The following CFHR4 variants were observed in gnomAD, a reference collection of about 807,000 sequenced individuals.
The protein encoded by CFHR4 is complement factor H-related protein 4.
A neutral mutation model predicts 69.3 loss-of-function variants in CFHR4; 64 were observed. The observed-to-expected ratio is 0.92, with a 90% confidence interval of 0.76 to 1.14. CFHR4 has a LOEUF of 1.14. Among genes scored for constraint, CFHR4 ranks in the 50% most tolerant of loss-of-function variants. CFHR4 has a pLI of 0.00. For synonymous variants in CFHR4, 244 were observed against 237.0 expected, an observed-to-expected ratio of 1.03 and a Z score of -0.27; for missense variants, 636 against 684.9, an observed-to-expected ratio of 0.93 and a Z score of 0.80.
intron 2 of CFHR4, among the ~76,000 whole-genome samples, chr1:196,904,340 T>C (rs1202778168): frequency 1.3e-5 from 2 of 151,670 alleles, no homozygotes; most frequent in Admixed American, 6.6e-5. Context: ...ACATGTATCA[T>C]CTTTAACATG....
At position 196,907,469 on chromosome 1, in the gene CFHR4, G is replaced by A; in HGVS notation, c.770G>A (p.Gly257Glu). The A allele has an allele frequency of 6.2e-7, 1 of 1,611,706 alleles. No homozygotes were observed. The highest frequency in any genetic ancestry group is 8.5e-7 in the Non-Finnish European group (1 of 1,178,938). Residue 257 changes from glycine (G) to glutamate (E), a missense_variant, in exon 5 of 10, where the codon GGA becomes GAA. Transcript: ENST00000608469. ...TCTAAATATGTAACATGTAGTAATGGAGACTGGTCAGAACCACCAAGATGC... is the reference window on the plus strand; with the variant it reads ...TCTAAATATGTAACATGTAGTAATGAAGACTGGTCAGAACCACCAAGATGC... ...QGSKYVTCSN[G>E]DWSEPPRCIS...
At chr1:196,888,385 ATAATT>A (rs1452897962) in intron 1 of CFHR4, among the ~76,000 whole-genome samples, 177 bp downstream of exon 1, 1 of 151,460 alleles carries the variant, frequency 6.6e-6, no homozygotes, top group East Asian at 1.9e-4. Context: ...AAAATATCTC[ATAATT>A]TAAAGAAAAA....
intron 2 of CFHR4, among the ~76,000 whole-genome samples, chr1:196,903,032 A>G (rs893175193): frequency 2.6e-5 from 4 of 151,528 alleles, no homozygotes; most frequent in Middle Eastern, 6.8e-3. Context: ...AAATCATTTT[A>G]TGGTCCTTAG....
intron 1 of CFHR4, among the ~76,000 whole-genome samples, chr1:196,892,414 G>GTGTT (rs1336118239): frequency 1.3e-5 from 2 of 151,462 alleles, no homozygotes; most frequent in East Asian, 3.9e-4. Flanking sequence ...TGTGCCTGTT[G>GTGTT]TGTTTGTTTG....
chr1:196,893,216 C>A, intron 1 of CFHR4, among the ~76,000 whole-genome samples: 1 of 151,554 alleles, frequency 6.6e-6, no homozygotes, highest in African/African-American at 2.4e-5. Flanking sequence ...AAGAAGCATG[C>A]AAAAAGATAG....
chr1:196,906,756 T>C, intron 3 of CFHR4, 105 bp from the exon 4 acceptor site: 1 of 1,196,322 alleles, frequency 8.4e-7, no homozygotes, highest in South Asian at 1.7e-5. Flanking sequence ...CTCAATTTAT[T>C]AGCACACACT....
chr1:196,917,288 A>G (rs12133703), intron 9 of CFHR4, among the ~76,000 whole-genome samples: 8,509 of 151,918 alleles, frequency 0.056, 375 homozygotes, highest in Non-Finnish European at 0.084. Flanking sequence ...GCTATGTAAG[A>G]ACTGACATTT....
chr1:196,891,551 C>T (rs1416971874), intron 1 of CFHR4, among the ~76,000 whole-genome samples: 5 of 151,504 alleles, frequency 3.3e-5, no homozygotes, highest in African/African-American at 1.2e-4. Flanking sequence ...TTCTCATCTA[C>T]ACACTAAAGC....
intron 1 of CFHR4, among the ~76,000 whole-genome samples, chr1:196,889,503 T>A (rs904131134): frequency 3.3e-5 from 5 of 151,536 alleles, no homozygotes; most frequent in African/African-American, 1.2e-4. Flanking sequence ...AAGAAAAGAA[T>A]GCTGACAAAT....
Position 196,902,662 on chromosome 1 carries a change from G to C in CFHR4, c.256+47G>C, listed in dbSNP as rs200133951. ...AATATGTGCATAAAACTTGAAAAGA[G>C]TGAGAGAACAGCAAATAAATGATTA... On this transcript the variant is annotated intron_variant, in intron 2 of 9. Coordinates refer to ENST00000608469, the MANE Select transcript of CFHR4 (RefSeq NM_001201550.3). 1.2e-5 allele frequency: 16 copies of C among 1,336,928 alleles called. No homozygotes were observed. In the African/African-American group the frequency reaches 2.2e-4, roughly 18 times the overall value. The allele number at this position is 1,336,928 out of a possible 1,614,324, so 82.8% of individuals were successfully genotyped here.
intron 7 of CFHR4, among the ~76,000 whole-genome samples, chr1:196,914,229 A>C (rs1571450664): frequency 6.6e-6 from 1 of 151,488 alleles, no homozygotes; most frequent in African/African-American, 2.4e-5. Context: ...GAGATTTTTC[A>C]CAAATAAAAA....
chr1:196,896,053 T>C (rs1245118905), intron 1 of CFHR4, among the ~76,000 whole-genome samples: 2 of 150,844 alleles, frequency 1.3e-5, no homozygotes, highest in Non-Finnish European at 2.9e-5. Context: ...ATAGTCATTT[T>C]CTAATTTTCC....
intron 9 of CFHR4, among the ~76,000 whole-genome samples, chr1:196,915,866 T>C (rs1020974101): frequency 1.7e-4 from 25 of 151,406 alleles, no homozygotes; most frequent in African/African-American, 6.1e-4. Flanking sequence ...TTCAAACAGT[T>C]ATGAAAACAC....
At chr1:196,916,780 A>AG (rs1178079566) in intron 9 of CFHR4, among the ~76,000 whole-genome samples, 4 of 151,554 alleles carry the variant, frequency 2.6e-5, no homozygotes, top group Non-Finnish European at 5.9e-5. Flanking sequence ...CTCACAATCA[A>AG]GAACAGGAAA....
chr1:196,894,889 A>AAC (rs111627820), intron 1 of CFHR4, among the ~76,000 whole-genome samples: 10 of 149,068 alleles, frequency 6.7e-5, no homozygotes, highest in African/African-American at 1.0e-4. Context: ...CTGTCTCTAA[A>AAC]AACAACAACA....
chr1:196,894,330 G>T (rs1042282828), intron 1 of CFHR4, among the ~76,000 whole-genome samples: 1 of 151,406 alleles, frequency 6.6e-6, no homozygotes, highest in Non-Finnish European at 1.5e-5. Flanking sequence ...AACAAAAAAT[G>T]GAGACAAAAA....
intron 6 of CFHR4, among the ~76,000 whole-genome samples, chr1:196,912,066 TA>T (rs1254816777): frequency 6.6e-6 from 1 of 151,432 alleles, no homozygotes. Context: ...TATACATTAC[TA>T]AAATAATTAC....
intron 9 of CFHR4, among the ~76,000 whole-genome samples, chr1:196,916,405 G>A (rs1426349076): frequency 6.6e-6 from 1 of 151,910 alleles, no homozygotes; most frequent in African/African-American, 2.4e-5. Context: ...GATGATACAA[G>A]CCGTTCTTTT....
chr1:196,898,430 G>A (rs1247205062), intron 1 of CFHR4, among the ~76,000 whole-genome samples: 1 of 151,626 alleles, frequency 6.6e-6, no homozygotes, highest in African/African-American at 2.4e-5. Context: ...AGAAGTCTTT[G>A]CTTTCCAAAG....
Sources: gnomAD v4.1 joint callset for allele counts (sites outside exome capture counted in the v4.1 genomes callset) on GRCh38, gnomAD v4.1.1 for gene constraint, MANE v1.5 for transcripts, NCBI Gene and HGNC (gene_info 2026-07-23, HGNC 2026-07-21) for gene names.